The following FIG4 variants were observed in gnomAD, a reference collection of about 807,000 sequenced individuals.
The protein encoded by FIG4 is FIG4 phosphoinositide 5-phosphatase.
A neutral mutation model predicts 118.6 loss-of-function variants in FIG4; 112 were observed. The observed-to-expected ratio is 0.94, with a 90% CI of 0.81 to 1.11. FIG4 has a LOEUF of 1.11. Among genes scored for constraint, FIG4 ranks in the 50% least tolerant of loss-of-function variants. The pLI, the probability that FIG4 is intolerant of heterozygous loss-of-function variation, is 0.00. For missense variants in FIG4, 969 were observed against 1,111.7 expected (o/e 0.87, Z 1.83); for synonymous variants, 369 against 381.2 (o/e 0.97, Z 0.37).
rs550223544 is a variant in FIG4 at position 109,783,756 on chromosome 6, G to A, written c.1890-1214G>A. 5.3e-5 allele frequency among the ~76,000 whole-genome samples: 8 copies of A among 152,324 alleles called. No individual in the cohort carries two copies. The South Asian group carries it at 1.7e-3, about 32-fold the overall frequency. Reference sequence around the variant, plus strand: ...TTTTGCTCAGGAGTTTGTCATAGAGGCAGAATCTCAGGCCCCACCTACTGA... The same window carrying A: ...TTTTGCTCAGGAGTTTGTCATAGAGACAGAATCTCAGGCCCCACCTACTGA... On this transcript the variant is annotated intron_variant, in intron 16 of 22. Transcript: ENST00000230124.
chr6:109,797,246 T>C lies in FIG4; in HGVS notation c.2546+395T>C, dbSNP rs1778314099. Among the ~76,000 whole-genome samples, 4 of 152,316 alleles carry C rather than the reference T, an allele frequency of 2.6e-5. No individual in the cohort carries two copies. The South Asian group carries it at 8.3e-4, about 32-fold the overall frequency. On this transcript the variant is annotated intron_variant, in intron 22 of 22. Coordinates refer to ENST00000230124, the MANE Select transcript of FIG4 (RefSeq NM_014845.6). ...CCCCATCAGTTCTAATAACTTGCTG[T>C]AAGTTAAACAGGTGTTTTGTGAAAT...
At chr6:109,798,751 C>T (rs1177148202) in intron 22 of FIG4, among the ~76,000 whole-genome samples, 1 of 152,096 alleles carries the variant, frequency 6.6e-6, no homozygotes, top group South Asian at 2.1e-4. Flanking sequence ...CATATTTTAT[C>T]ACAGCCTTCA....
Position 109,743,757 on chromosome 6 carries a change from C to T in FIG4, c.1122C>T (p.Ile374=), listed in dbSNP as rs1376239309. ...MFQRFGSPII[I]LNLVKEREKR... ...AGAGGTTTGGCTCTCCCATCATCAT[C>T]TTGAATTTAGTGAAGGTATGATGTG... is the stretch of plus-strand genomic sequence containing the variant. The change falls in exon 10 of 23, where the codon ATC becomes ATT. Residue 374 remains isoleucine (I), a synonymous_variant. Transcript: ENST00000230124. 6.2e-7 allele frequency: 1 copy of T among 1,611,410 alleles called. No homozygotes were observed. Among genetic ancestry groups the T allele is most frequent in the Admixed American group, 1.7e-5 (1 of 59,888 alleles).
intron 22 of FIG4, among the ~76,000 whole-genome samples, chr6:109,799,651 T>C (rs1778378217): frequency 6.6e-6 from 1 of 152,238 alleles, no homozygotes; most frequent in East Asian, 1.9e-4. Context: ...ACCATTTTTT[T>C]CTTTTCTAAA....
chr6:109,778,846 G>T (rs375246701), intron 16 of FIG4, among the ~76,000 whole-genome samples: 5 of 152,006 alleles, frequency 3.3e-5, no homozygotes, highest in African/African-American at 1.2e-4. Flanking sequence ...TGATCTGCCC[G>T]CCTTGGCCTC....
At chr6:109,696,842 T>C (rs1774736795) in intron 1 of FIG4, among the ~76,000 whole-genome samples, 1 of 152,158 alleles carries the variant, frequency 6.6e-6, no homozygotes, top group East Asian at 1.9e-4. Context: ...AGGCTGACTA[T>C]AGGTAAATAA....
intron 10 of FIG4, 60 bp downstream of exon 10, chr6:109,743,832 A>G: frequency 1.7e-6 from 2 of 1,173,222 alleles, no homozygotes; most frequent in South Asian, 2.4e-5. Context: ...CCTCTTCCTC[A>G]ACACAGAGGG....
chr6:109,727,297 T>TG (rs397821151), intron 4 of FIG4, 32 bp downstream of exon 4: 56 of 1,564,302 alleles, frequency 3.6e-5, no homozygotes, highest in Non-Finnish European at 4.7e-5. Flanking sequence ...TTTTTTTTTT[T>TG]GGAGACAAGG....
intron 16 of FIG4, among the ~76,000 whole-genome samples, chr6:109,779,623 G>A (rs1487242195): frequency 6.6e-6 from 1 of 152,034 alleles, no homozygotes; most frequent in Non-Finnish European, 1.5e-5. Flanking sequence ...CTATTTTTTG[G>A]TGTCAGGGGA....
chr6:109,751,801 C>G (rs1307508327), intron 10 of FIG4, among the ~76,000 whole-genome samples: 1 of 49,912 alleles, frequency 2.0e-5, no homozygotes, highest in Non-Finnish European at 3.8e-5. Flanking sequence ...TGATTCTTCT[C>G]TCTTTTTTTC....
intron 1 of FIG4, among the ~76,000 whole-genome samples, chr6:109,707,673 T>C (rs1775130253): frequency 6.6e-6 from 1 of 151,944 alleles, no homozygotes; most frequent in Non-Finnish European, 1.5e-5. Context: ...TTTCCTATGG[T>C]CTACATGCTT....
Position 109,691,691 on chromosome 6 carries a change from AC to A in FIG4, c.66+193del, listed in dbSNP as rs1428856451. Among the ~76,000 whole-genome samples the A allele has an allele frequency of 2.6e-5, 4 of 152,160 alleles. No individual in the cohort carries two copies. The East Asian group carries it at 7.8e-4, about 29-fold the overall frequency. On this transcript the variant is annotated intron_variant, in intron 1 of 22. Coordinates refer to ENST00000230124, the MANE Select transcript of FIG4 (RefSeq NM_014845.6). Reference sequence around the variant, plus strand: ...CTGGGCGCCTTTCCCCTATTTTGGTACCCTGGACATTGCAGCATTTGCAGGT... The same window carrying A: ...CTGGGCGCCTTTCCCCTATTTTGGTACCTGGACATTGCAGCATTTGCAGGT...
intron 11 of FIG4, among the ~76,000 whole-genome samples, chr6:109,761,667 G>A (rs559571684): frequency 3.9e-5 from 6 of 152,180 alleles, no homozygotes; most frequent in African/African-American, 4.8e-5. Context: ...GATTACAGGC[G>A]TGAGCCACTG....
chr6:109,697,928 G>T (rs989748104), intron 1 of FIG4, among the ~76,000 whole-genome samples: 1 of 149,424 alleles, frequency 6.7e-6, no homozygotes, highest in African/African-American at 2.5e-5. Flanking sequence ...TTGCACTGTC[G>T]CCCAGGCTGG....
At chr6:109,749,336 A>T (rs1308765453) in intron 10 of FIG4, among the ~76,000 whole-genome samples, 1 of 152,060 alleles carries the variant, frequency 6.6e-6, no homozygotes, top group Non-Finnish European at 1.5e-5. Flanking sequence ...ATCAACTCAG[A>T]ATAATGTAAG....
chr6:109,817,442 G>A (rs965298404), intron 22 of FIG4, among the ~76,000 whole-genome samples: 2 of 152,000 alleles, frequency 1.3e-5, no homozygotes, highest in South Asian at 2.1e-4. Flanking sequence ...TTTATAAATT[G>A]CATTCTGAAT....
At chr6:109,751,342 C>A (rs1239098943) in intron 10 of FIG4, among the ~76,000 whole-genome samples, 1 of 152,116 alleles carries the variant, frequency 6.6e-6, no homozygotes, top group Non-Finnish European at 1.5e-5. Flanking sequence ...ATTTTCGCCT[C>A]GATGTTCATC....
At chr6:109,716,161 C>T (rs556422118) in intron 2 of FIG4, among the ~76,000 whole-genome samples, 1 of 152,244 alleles carries the variant, frequency 6.6e-6, no homozygotes, top group Non-Finnish European at 1.5e-5. Context: ...TTCATGGACT[C>T]TTGAAATTTA....
chr6:109,752,201 G>T (rs370765086), intron 10 of FIG4, among the ~76,000 whole-genome samples: 2 of 151,898 alleles, frequency 1.3e-5, no homozygotes, highest in Non-Finnish European at 2.9e-5. Flanking sequence ...GTATTCCATG[G>T]TGTATATGTG....
Sources: gnomAD v4.1 joint callset for allele counts (sites outside exome capture counted in the v4.1 genomes callset) on GRCh38, gnomAD v4.1.1 for gene constraint, MANE v1.5 for transcripts, NCBI Gene and HGNC (gene_info 2026-07-23, HGNC 2026-07-21) for gene names.